GLIS3: variants seen among roughly 807,000 people sequenced by gnomAD.
GLIS3 encodes GLIS family zinc finger 3.
In GLIS3, 53 loss-of-function variants were observed where a neutral mutation model predicts 78.6. The ratio of observed to expected loss-of-function variants is 0.67; its 90% confidence interval spans 0.54 to 0.85. GLIS3 has a LOEUF of 0.85. Among genes scored for constraint, GLIS3 ranks in the 40% least tolerant of loss-of-function variants. The pLI is 0.00. For missense variants in GLIS3, 1,703 were observed against 1,231.1 expected (o/e 1.38, Z -5.74); for synonymous variants, 684 against 509.9 (o/e 1.34, Z -4.60).
In GLIS3 at chr9:3,878,753, C is replaced by T. The variant is rs147702669; in HGVS notation, c.2297+674G>A. On this transcript the variant is annotated intron_variant, in intron 8 of 10. Transcript: ENST00000381971. ...CCAAAGCTACCTGTACTGATGCAGC[C>T]ATACACTTGCCCTTGGGCAAGAGAA... 961 of 156,032 alleles carry T rather than the reference C, an allele frequency of 6.2e-3. 7 individuals are homozygous for T. Among genetic ancestry groups the T allele is most frequent in the Non-Finnish European group, 6.5e-3 (457 of 70,236 alleles). 9.7% of individuals were successfully genotyped at this position (156,032 alleles called of 1,614,324 possible). A position where few individuals can be genotyped will look rare whatever the true frequency, so the allele number is the denominator to read the frequency against.
At chr9:4,185,934 G>A (rs10123353) in intron 2 of GLIS3, among the ~76,000 whole-genome samples, 88,179 of 151,914 alleles carry the variant, frequency 0.58, 25,844 homozygotes, top group Middle Eastern at 0.65. Flanking sequence ...TGGAAGGACA[G>A]TCAGAATACA....
At chr9:4,379,932 A>G in the GLIS3 span, among the ~76,000 whole-genome samples, 114 of 151,978 alleles carry the variant, frequency 7.5e-4, no homozygotes, top group Non-Finnish European at 1.4e-3. Context: ...CCAAAAAAAA[A>G]GGAGGTCTGT....
At chr9:4,432,170 T>A in the GLIS3 span, among the ~76,000 whole-genome samples, 1 of 152,190 alleles carries the variant, frequency 6.6e-6, no homozygotes, top group Admixed American at 6.5e-5. Context: ...TCATGATGAT[T>A]ATGCTAAACA....
At chr9:3,844,566 T>A (rs1284481714) in intron 9 of GLIS3, among the ~76,000 whole-genome samples, 1 of 152,208 alleles carries the variant, frequency 6.6e-6, no homozygotes, top group African/African-American at 2.4e-5. Context: ...ACACTTTCTA[T>A]AGGCATTTTT....
chr9:4,097,162 C>T (rs1830014228), intron 4 of GLIS3, among the ~76,000 whole-genome samples: 1 of 152,196 alleles, frequency 6.6e-6, no homozygotes, highest in Admixed American at 6.5e-5. Flanking sequence ...AGCTGCACAT[C>T]TCCAACTTGT....
intron 2 of GLIS3, among the ~76,000 whole-genome samples, chr9:4,332,573 G>C (rs1817701625): frequency 6.6e-6 from 1 of 152,214 alleles, no homozygotes; most frequent in Non-Finnish European, 1.5e-5. Flanking sequence ...CCACATTGAA[G>C]ACAGCAGAGC....
intron 4 of GLIS3, among the ~76,000 whole-genome samples, chr9:4,017,642 T>C (rs1461536036): frequency 6.6e-6 from 1 of 152,128 alleles, no homozygotes; most frequent in Non-Finnish European, 1.5e-5. Context: ...GTTAAGTTTG[T>C]GGGGATTTTC....
chr9:4,329,164 G>C (rs901381837), intron 2 of GLIS3, among the ~76,000 whole-genome samples: 1 of 152,046 alleles, frequency 6.6e-6, no homozygotes, highest in Middle Eastern at 3.2e-3. Context: ...CTACCTCTGT[G>C]GCCCTTCATT....
intron 1 of GLIS3, among the ~76,000 whole-genome samples, chr9:4,289,624 T>G (rs1828281066): frequency 6.6e-6 from 1 of 151,962 alleles, no homozygotes; most frequent in South Asian, 2.1e-4. Context: ...TTCTCCTCTG[T>G]TCTCCATCGA....
chr9:4,286,370 C>G lies in GLIS3; in HGVS notation c.56G>C (p.Gly19Ala). 1.2e-6 allele frequency: 2 copies of G among 1,614,122 alleles called. No homozygotes were observed. The highest frequency in any genetic ancestry group is 1.7e-6 in the Non-Finnish European group (2 of 1,180,022). ...SLHRTSGTPQ[G>A]PRMVSGHHIP... ...GTGATGACCACTGACCATCCTAGGC[C>G]CCTGTGGGGTTCCCGATGTCCGGTG... The change falls in exon 2 of 11, where the codon GGG becomes GCG. Residue 19 changes from glycine (G) to alanine (A), a missense_variant. Physicochemically the swap from Gly to Ala is moderately conservative, Grantham distance 60. Transcript: ENST00000381971.
chr9:4,313,761 G>A (rs191000571), intron 2 of GLIS3, among the ~76,000 whole-genome samples: 20 of 152,176 alleles, frequency 1.3e-4, no homozygotes, highest in Admixed American at 1.1e-3. Context: ...ACCTCCTCCC[G>A]CAGCCTTCCC....
intron 4 of GLIS3, among the ~76,000 whole-genome samples, chr9:4,308,113 C>T (rs1239708332): frequency 6.6e-6 from 1 of 152,134 alleles, no homozygotes; most frequent in Non-Finnish European, 1.5e-5. Flanking sequence ...CCACGTGCAT[C>T]CCATCCTTCC....
At chr9:3,997,089 T>C (rs913959126) in intron 4 of GLIS3, among the ~76,000 whole-genome samples, 3 of 152,220 alleles carry the variant, frequency 2.0e-5, no homozygotes, top group Admixed American at 6.5e-5. Context: ...GGCTCACGCC[T>C]GTAATCCCAG....
the GLIS3 span, among the ~76,000 whole-genome samples, chr9:4,410,170 T>G: frequency 1.3e-5 from 2 of 151,350 alleles, no homozygotes; most frequent in Non-Finnish European, 2.9e-5. Context: ...AGAGACAGTG[T>G]TTTGCCATGT....
At chr9:3,861,166 G>C (rs964440623) in intron 8 of GLIS3, among the ~76,000 whole-genome samples, 3 of 152,140 alleles carry the variant, frequency 2.0e-5, no homozygotes, top group African/African-American at 7.2e-5. Flanking sequence ...CCCTGTGTTC[G>C]AGAGCTGTGT....
intron 2 of GLIS3, among the ~76,000 whole-genome samples, chr9:4,160,551 C>A (rs1292452916): frequency 6.6e-6 from 1 of 152,240 alleles, no homozygotes; most frequent in Admixed American, 6.5e-5. Flanking sequence ...AATTCACGAG[C>A]TGTCTTCACT....
the GLIS3 span, among the ~76,000 whole-genome samples, chr9:4,376,913 C>T: frequency 7.4e-6 from 1 of 134,558 alleles, no homozygotes; most frequent in Non-Finnish European, 1.7e-5. Flanking sequence ...GCCACTGATT[C>T]CACTGCTGGA....
At chr9:4,439,146 T>C in the GLIS3 span, among the ~76,000 whole-genome samples, 4 of 152,220 alleles carry the variant, frequency 2.6e-5, no homozygotes, top group Non-Finnish European at 4.4e-5. Flanking sequence ...CATTCTTCAG[T>C]ACTACCTTCC....
intron 2 of GLIS3, among the ~76,000 whole-genome samples, chr9:4,150,160 T>A (rs773793989): frequency 7.2e-5 from 11 of 152,132 alleles, no homozygotes; most frequent in Non-Finnish European, 1.2e-4. Flanking sequence ...AAAGCTTTTA[T>A]AGGGCCCCTT....
Sources: gnomAD v4.1 joint callset for allele counts (sites outside exome capture counted in the v4.1 genomes callset) on GRCh38, gnomAD v4.1.1 for gene constraint, MANE v1.5 for transcripts, NCBI Gene and HGNC (gene_info 2026-07-23, HGNC 2026-07-21) for gene names.